The following FAT3 variants were observed in gnomAD, a reference collection of about 807,000 sequenced individuals.
FAT3 encodes the protein protocadherin Fat 3.
A neutral mutation model predicts 310.2 loss-of-function variants in FAT3; 95 were observed. The observed-to-expected ratio is 0.31, with a 90% CI of 0.26 to 0.36. The LOEUF (loss-of-function observed/expected upper bound fraction) is 0.36, where lower values mean the gene tolerates loss of function less well. Ranked by LOEUF, FAT3 falls within the 10% of genes least tolerant of loss-of-function variation. The pLI, the probability that FAT3 is intolerant of heterozygous loss-of-function variation, is 1.00. For missense variants in FAT3, 5,408 were observed against 5,715.6 expected (o/e 0.95, Z 1.74); for synonymous variants, 2,314 against 2,192.9 (o/e 1.06, Z -1.54).
At chr11:92,703,724 T>A (rs1017575090) in intron 4 of FAT3, among the ~76,000 whole-genome samples, 3 of 152,240 alleles carry the variant, frequency 2.0e-5, no homozygotes, top group Admixed American at 6.5e-5. Flanking sequence ...AAAAGCTTTA[T>A]CGAATGACTG....
Position 92,677,204 on chromosome 11 carries a change from A to T in FAT3, c.3608-20180A>T, listed in dbSNP as rs576173375. ...AGCTTTTTCCATTTTCTTTTGGTGC[A>T]GCCTCTCTTACCAAAAGCCACAAAG... On this transcript the variant is annotated intron_variant, in intron 3 of 27. Transcript: ENST00000525166. Among the ~76,000 whole-genome samples, 11 of 152,330 alleles carry T rather than the reference A, an allele frequency of 7.2e-5. No homozygotes were observed. The South Asian group carries it at 2.3e-3, about 32-fold the overall frequency.
rs114666892 is a variant in FAT3, at chr11:92,636,973, G to A, written c.3608-60411G>A. On this transcript the variant is annotated intron_variant, in intron 3 of 27. Coordinates refer to ENST00000525166, the MANE Select transcript of FAT3 (RefSeq NM_001367949.2). ...TGGACCTCTGGCCATCACTGCAGATGCAGCTGTGAGTGGTTCCTTCATCCT... is the reference window on the plus strand; with the variant it reads ...TGGACCTCTGGCCATCACTGCAGATACAGCTGTGAGTGGTTCCTTCATCCT... Among the ~76,000 whole-genome samples the A allele has an allele frequency of 6.7e-3, 1,013 of 152,278 alleles. 13 individuals are homozygous for A. The highest frequency in any genetic ancestry group is 0.023 in the African/African-American group (960 of 41,552).
chr11:92,837,820 G>T lies in FAT3; in HGVS notation c.10368+14G>T. 1 of 1,613,824 alleles carries T rather than the reference G, an allele frequency of 6.2e-7. No homozygotes were observed. The highest frequency in any genetic ancestry group is 8.5e-7 in the Non-Finnish European group (1 of 1,179,850). ...GCTGTGATTCAGGTGAGAAAATCTT[G>T]CCTGCCAAGCACTTGTCCCTTTGCA... On this transcript the variant is annotated intron_variant, in intron 17 of 27. Coordinates refer to ENST00000525166, the MANE Select transcript of FAT3 (RefSeq NM_001367949.2).
chr11:92,292,176 C>T (rs1477879131), intron 1 of FAT3, among the ~76,000 whole-genome samples: 2 of 151,962 alleles, frequency 1.3e-5, no homozygotes, highest in Non-Finnish European at 2.9e-5. Context: ...CAAGGCACAG[C>T]ATTTTGGTTA....
chr11:92,774,361 T>C (rs1391957955), intron 7 of FAT3, among the ~76,000 whole-genome samples, 181 bp downstream of exon 7: 1 of 152,228 alleles, frequency 6.6e-6, no homozygotes, highest in African/African-American at 2.4e-5. Context: ...TCATAGGACT[T>C]AGCTGCCGCT....
rs1478931855 is a variant in FAT3 at position 92,338,287 on chromosome 11, AG to A, written c.-17-13805del. 6.9e-5 allele frequency among the ~76,000 whole-genome samples: 10 copies of A among 145,204 alleles called. No individual in the cohort carries two copies. In the South Asian group the frequency reaches 1.3e-3, roughly 19 times the overall value. On this transcript the variant is annotated intron_variant, in intron 1 of 27. Coordinates refer to ENST00000525166, the MANE Select transcript of FAT3 (RefSeq NM_001367949.2). ...ACTTGGTTTTTAACAACATATACTCAGGGGTGGCCTAGAAGAAAACTATCTA... is the reference window on the plus strand; with the variant it reads ...ACTTGGTTTTTAACAACATATACTCAGGGTGGCCTAGAAGAAAACTATCTA...
chr11:92,719,639 GT>G (rs1944801420), intron 4 of FAT3, among the ~76,000 whole-genome samples: 1 of 151,296 alleles, frequency 6.6e-6, no homozygotes. Flanking sequence ...CAGTACAGAT[GT>G]TTTTTTCTTC....
chr11:92,477,705 G>A (rs1393174638), intron 2 of FAT3, among the ~76,000 whole-genome samples: 1 of 152,290 alleles, frequency 6.6e-6, no homozygotes, highest in East Asian at 1.9e-4. Context: ...CTTAACAACA[G>A]CTGGTACCTG....
At chr11:92,647,182 A>C (rs932327969) in intron 3 of FAT3, among the ~76,000 whole-genome samples, 1 of 152,120 alleles carries the variant, frequency 6.6e-6, no homozygotes, top group African/African-American at 2.4e-5. Context: ...CTTTTGTAGC[A>C]TGAATGGTTT....
chr11:92,664,181 C>A (rs1416572880), intron 3 of FAT3, among the ~76,000 whole-genome samples: 1 of 152,202 alleles, frequency 6.6e-6, no homozygotes, highest in Non-Finnish European at 1.5e-5. Flanking sequence ...CAACTGGATT[C>A]TTTCCTTTGT....
At chr11:92,416,672 A>C (rs1950421956) in intron 2 of FAT3, among the ~76,000 whole-genome samples, 1 of 152,216 alleles carries the variant, frequency 6.6e-6, no homozygotes, top group East Asian at 1.9e-4. Flanking sequence ...AAAACAGTTC[A>C]AATAGAAAGC....
At chr11:92,315,479 G>GTGTATATATATATA (rs1555009286) in intron 1 of FAT3, among the ~76,000 whole-genome samples, 1 of 65,184 alleles carries the variant, frequency 1.5e-5, no homozygotes, top group Non-Finnish European at 3.0e-5. Flanking sequence ...GTGTGTGTGT[G>GTGTATATATATATA]TATATATATA....
chr11:92,811,571 T>G (rs2136215355), intron 13 of FAT3, among the ~76,000 whole-genome samples: 1 of 152,232 alleles, frequency 6.6e-6, no homozygotes, highest in East Asian at 1.9e-4. Context: ...TTCACTTATT[T>G]TGAGTCAGAT....
At chr11:92,696,078 A>G (rs972766732) in intron 3 of FAT3, among the ~76,000 whole-genome samples, 1 of 151,974 alleles carries the variant, frequency 6.6e-6, no homozygotes, top group African/African-American at 2.4e-5. Context: ...TTCACATGGT[A>G]TGCTTGAATC....
At chr11:92,538,107 T>C (rs1008540756) in intron 3 of FAT3, among the ~76,000 whole-genome samples, 9 of 152,328 alleles carry the variant, frequency 5.9e-5, no homozygotes, top group Admixed American at 3.3e-4. Flanking sequence ...TGTCTCTCTT[T>C]ATTAATAGTT....
At chr11:92,663,341 G>C (rs1017754737) in intron 3 of FAT3, among the ~76,000 whole-genome samples, 1 of 152,148 alleles carries the variant, frequency 6.6e-6, no homozygotes, top group Admixed American at 6.5e-5. Context: ...GTGCATTGAA[G>C]ACCAAGATGA....
intron 3 of FAT3, among the ~76,000 whole-genome samples, chr11:92,554,646 C>G (rs78402085): frequency 6.6e-6 from 1 of 152,082 alleles, no homozygotes; most frequent in Non-Finnish European, 1.5e-5. Context: ...TTTGATCTCA[C>G]TTCTTCTAAA....
chr11:92,283,287 A>T (rs1946475445), intron 1 of FAT3, among the ~76,000 whole-genome samples: 1 of 152,196 alleles, frequency 6.6e-6, no homozygotes, highest in South Asian at 2.1e-4. Flanking sequence ...GTGAAGAGGC[A>T]TTCAGGTTTT....
chr11:92,388,399 T>C (rs1031296434), intron 2 of FAT3, among the ~76,000 whole-genome samples: 3 of 152,278 alleles, frequency 2.0e-5, no homozygotes, highest in South Asian at 2.1e-4. Flanking sequence ...TCCTCATTTG[T>C]TTGATAGTGC....
Sources: allele counts gnomAD v4.1 joint callset (sites outside exome capture counted in the v4.1 genomes callset), GRCh38; gene constraint gnomAD v4.1.1; transcripts MANE v1.5; gene names NCBI Gene and HGNC (gene_info 2026-07-23, HGNC 2026-07-21).